Variants in MTMR7 observed in about 807,000 individuals in gnomAD.
The protein encoded by MTMR7 is myotubularin related protein 7.
MTMR7 carries 76 observed loss-of-function variants against 81.2 expected under a neutral mutation model. The observed-to-expected ratio is 0.94, with a 90% CI of 0.78 to 1.13. The LOEUF is 1.13. Among genes scored for constraint, MTMR7 ranks in the 50% most tolerant of loss-of-function variants. The pLI, the probability that MTMR7 is intolerant of heterozygous loss-of-function variation, is 0.00. For missense variants in MTMR7, 1,044 were observed against 820.0 expected (o/e 1.27, Z -3.34); for synonymous variants, 372 against 289.8 (o/e 1.28, Z -2.88).
chr8:17,309,304 A>C lies in MTMR7; in HGVS notation c.1124T>G (p.Ile375Ser). 6.4e-7 allele frequency: 1 copy of C among 1,568,918 alleles called. No homozygotes were observed. The highest frequency in any genetic ancestry group is 8.8e-7 in the Non-Finnish European group (1 of 1,139,556). The change falls in exon 10 of 14, where the codon ATT becomes AGT. Residue 375 changes from isoleucine (I) to serine (S), a missense_variant. Transcript: ENST00000180173. ...GFMVLIEKDW[I>S]SFGHKFNHRY... Reference sequence around the variant, plus strand: ...GTGATTAAACTTATGACCAAAGGAAATCCAGTCCTTTTCAATTAATACCTA... The same window carrying C: ...GTGATTAAACTTATGACCAAAGGAACTCCAGTCCTTTTCAATTAATACCTA...
rs1458504093 is a variant in MTMR7, at chr8:17,298,836, A to T, written c.*1026T>A. ...TAACAAAACAAAAATTCTTTTCAGA[A>T]CTTTCAGCAGTCAGTGGTCATGAGA... On this transcript the variant is annotated 3_prime_UTR_variant, in exon 14 of 14. Coordinates refer to ENST00000180173, the MANE Select transcript of MTMR7 (RefSeq NM_004686.5). 6.6e-6 allele frequency: 1 copy of T among 152,414 alleles called. No individual in the cohort carries two copies. The highest frequency in any genetic ancestry group is 1.9e-4 in the East Asian group (1 of 5,200). The allele number at this position is 152,414 out of a possible 1,614,324, so 9.4% of individuals were successfully genotyped here. A position where few individuals can be genotyped will look rare whatever the true frequency, so the allele number is the denominator to read the frequency against.
chr8:17,360,877 C>T (rs1194032323), intron 4 of MTMR7, among the ~76,000 whole-genome samples: 1 of 152,144 alleles, frequency 6.6e-6, no homozygotes, highest in Non-Finnish European at 1.5e-5. Context: ...CTCTGGGTTT[C>T]AAGTTCTGCA....
At chr8:17,401,208 T>C (rs1821420283) in intron 1 of MTMR7, among the ~76,000 whole-genome samples, 1 of 152,170 alleles carries the variant, frequency 6.6e-6, no homozygotes. Flanking sequence ...GTTAGGATTG[T>C]TATTTTATAT....
intron 6 of MTMR7, among the ~76,000 whole-genome samples, chr8:17,332,188 C>G (rs982002168): frequency 7.2e-5 from 11 of 151,908 alleles, no homozygotes; most frequent in Non-Finnish European, 1.5e-4. Context: ...AGGGCTAACC[C>G]AGGCAGAGAA....
intron 7 of MTMR7, among the ~76,000 whole-genome samples, chr8:17,317,911 C>CT (rs1160298898): frequency 6.6e-6 from 1 of 151,918 alleles, no homozygotes; most frequent in Non-Finnish European, 1.5e-5. Flanking sequence ...GTATTTTTGC[C>CT]TTTTTTTCCA....
At chr8:17,399,999 T>A (rs1821377067) in intron 1 of MTMR7, among the ~76,000 whole-genome samples, 1 of 152,174 alleles carries the variant, frequency 6.6e-6, no homozygotes, top group African/African-American at 2.4e-5. Context: ...TTTTAAAGAT[T>A]TTTGATGCTG....
intron 1 of MTMR7, among the ~76,000 whole-genome samples, chr8:17,374,501 G>A (rs1389215727): frequency 6.6e-6 from 1 of 151,946 alleles, no homozygotes; most frequent in Non-Finnish European, 1.5e-5. Context: ...GGTGCCTGTA[G>A]TCCCAGCTAC....
At chr8:17,315,300 G>A (rs561660277) in intron 7 of MTMR7, among the ~76,000 whole-genome samples, 30 of 152,140 alleles carry the variant, frequency 2.0e-4, no homozygotes, top group Admixed American at 1.7e-3. Context: ...GCAAAACTAC[G>A]GAGACAGTAA....
intron 7 of MTMR7, among the ~76,000 whole-genome samples, chr8:17,326,988 C>T (rs540978104): frequency 3.9e-5 from 6 of 152,206 alleles, no homozygotes; most frequent in Non-Finnish European, 7.3e-5. Flanking sequence ...AATGCAGTGA[C>T]CATTCTGCAC....
intron 7 of MTMR7, among the ~76,000 whole-genome samples, chr8:17,321,188 G>C (rs901321032): frequency 6.6e-6 from 1 of 152,200 alleles, no homozygotes; most frequent in Non-Finnish European, 1.5e-5. Context: ...ATGACTGCAA[G>C]TTTAAAAATA....
chr8:17,362,936 T>A (rs1820101492), intron 3 of MTMR7, among the ~76,000 whole-genome samples: 1 of 152,200 alleles, frequency 6.6e-6, no homozygotes, highest in African/African-American at 2.4e-5. Context: ...AGCACCAGAT[T>A]TCTTCATTTT....
chr8:17,339,328 G>C (rs553893173), intron 6 of MTMR7, among the ~76,000 whole-genome samples: 76 of 152,098 alleles, frequency 5.0e-4, no homozygotes, highest in African/African-American at 1.7e-3. Context: ...ATGGTGTTTG[G>C]TATACCCACA....
intron 1 of MTMR7, among the ~76,000 whole-genome samples, chr8:17,390,886 C>G (rs887699824): frequency 6.6e-6 from 1 of 152,200 alleles, no homozygotes; most frequent in East Asian, 1.9e-4. Flanking sequence ...GGTCCCTCCC[C>G]CAACACGTGG....
At chr8:17,369,560 G>A (rs936847482) in intron 3 of MTMR7, among the ~76,000 whole-genome samples, 17 of 151,298 alleles carry the variant, frequency 1.1e-4, no homozygotes, top group Admixed American at 3.3e-4. Flanking sequence ...CTTCTGTGTA[G>A]CACAACTTCT....
intron 7 of MTMR7, among the ~76,000 whole-genome samples, chr8:17,326,752 T>A (rs1017536454): frequency 2.7e-4 from 41 of 152,176 alleles, no homozygotes; most frequent in Admixed American, 2.5e-3. Flanking sequence ...CTGTTCAAAC[T>A]TCCTGATGAG....
intron 4 of MTMR7, among the ~76,000 whole-genome samples, chr8:17,359,715 G>C (rs1237169045): frequency 6.6e-6 from 1 of 151,778 alleles, no homozygotes; most frequent in Non-Finnish European, 1.5e-5. Flanking sequence ...TATAGAAAAA[G>C]CTACAACTCA....
intron 1 of MTMR7, among the ~76,000 whole-genome samples, chr8:17,402,919 TC>T: frequency 6.6e-6 from 1 of 152,342 alleles, no homozygotes; most frequent in African/African-American, 2.4e-5. Flanking sequence ...TTATTGCCTG[TC>T]TTCTGGATAA....
At chr8:17,363,582 C>G (rs1021172440) in intron 3 of MTMR7, among the ~76,000 whole-genome samples, 1 of 152,132 alleles carries the variant, frequency 6.6e-6, no homozygotes, top group Admixed American at 6.5e-5. Context: ...TGGGTTGACA[C>G]TGAAATTATG....
intron 1 of MTMR7, among the ~76,000 whole-genome samples, chr8:17,406,372 G>T (rs1821581804): frequency 6.6e-6 from 1 of 152,120 alleles, no homozygotes; most frequent in African/African-American, 2.4e-5. Flanking sequence ...GAAAATGGTT[G>T]ATAAGCACAC....
Sources: allele counts gnomAD v4.1 joint callset (sites outside exome capture counted in the v4.1 genomes callset), GRCh38; gene constraint gnomAD v4.1.1; transcripts MANE v1.5; gene names NCBI Gene and HGNC (gene_info 2026-07-23, HGNC 2026-07-21).